The following GATAD1 variants were observed in gnomAD, a reference collection of about 807,000 sequenced individuals.
The protein encoded by GATAD1 is GATA zinc finger domain containing 1, also known as GATA zinc finger domain-containing protein 1.
Under a neutral mutation model 26.5 loss-of-function variants are expected in GATAD1, and 12 were observed. That is an observed-to-expected ratio of 0.45 (90% CI 0.29 to 0.73). The LOEUF is 0.73. Ranked by LOEUF, GATAD1 falls within the 30% of genes least tolerant of loss-of-function variation. The probability of loss-of-function intolerance (pLI) is 0.10; values close to 1 mark genes in which losing one functional copy is unlikely to be tolerated. For missense variants in GATAD1, 266 were observed against 342.1 expected, an observed-to-expected ratio of 0.78 and a Z score of 1.75; for synonymous variants, 129 against 133.1, an observed-to-expected ratio of 0.97 and a Z score of 0.21.
At chr7:92,479,721 C>T in the GATAD1 span, among the ~76,000 whole-genome samples, 4 of 151,820 alleles carry the variant, frequency 2.6e-5, no homozygotes, top group East Asian at 3.9e-4. Flanking sequence ...GGATTATGGG[C>T]GGCATGGGAA....
chr7:92,467,142 A>AC, the GATAD1 span, among the ~76,000 whole-genome samples: 1 of 151,916 alleles, frequency 6.6e-6, no homozygotes, highest in East Asian at 1.9e-4. Flanking sequence ...ACATGATGAA[A>AC]CCCATTTCTA....
the GATAD1 span, among the ~76,000 whole-genome samples, chr7:92,467,235 CT>C: frequency 2.0e-5 from 3 of 152,060 alleles, no homozygotes; most frequent in Admixed American, 6.6e-5. Flanking sequence ...AGGAGAATCA[CT>C]TGAACCCGGA....
chr7:92,484,160 TTGTA>T, the GATAD1 span, among the ~76,000 whole-genome samples: 1 of 152,164 alleles, frequency 6.6e-6, no homozygotes, highest in Non-Finnish European at 1.5e-5. Context: ...ATTATCAAGT[TTGTA>T]CTGCAGCCAC....
At chr7:92,470,879 C>T in the GATAD1 span, 5 of 167,728 alleles carry the variant, frequency 3.0e-5, no homozygotes, top group Admixed American at 6.5e-5. Flanking sequence ...CTATAGGCAA[C>T]AGAGCAGGCC....
In GATAD1 at chr7:92,449,494, T is replaced by C. The variant is rs886397020; in HGVS notation, c.375+617T>C. On this transcript the variant is annotated intron_variant, in intron 2 of 4. Transcript: ENST00000287957. ...CTCAGTTTTTATAAACAAGGGATAATGTTCAAACACAGTGGACAGTGCATT... is the reference window on the plus strand; with the variant it reads ...CTCAGTTTTTATAAACAAGGGATAACGTTCAAACACAGTGGACAGTGCATT... 78 of 976,460 alleles carry C rather than the reference T, an allele frequency of 8.0e-5. 1 individual carries two copies. The highest frequency in any genetic ancestry group is 9.4e-5 in the Non-Finnish European group (77 of 821,838). 60.5% of individuals were successfully genotyped at this position (976,460 alleles called of 1,614,324 possible).
At chr7:92,469,912 G>A in the GATAD1 span, 1 of 778,610 alleles carries the variant, frequency 1.3e-6, no homozygotes, top group Non-Finnish European at 2.4e-6. Context: ...GGTACGGAGG[G>A]TTTCATGTAG....
the GATAD1 span, among the ~76,000 whole-genome samples, chr7:92,492,584 G>A: frequency 8.5e-5 from 13 of 152,210 alleles, no homozygotes; most frequent in African/African-American, 2.7e-4. Flanking sequence ...AACAATGTGA[G>A]CTTCAAAACA....
Position 92,447,701 on chromosome 7 carries a change from G to T in GATAD1, c.-29G>T. The T allele has an allele frequency of 7.0e-7, 1 of 1,431,670 alleles. No homozygotes were observed. Among genetic ancestry groups the T allele is most frequent in the Non-Finnish European group, 9.2e-7 (1 of 1,091,906 alleles). The allele number at this position is 1,431,670 out of a possible 1,614,324, so 88.7% of individuals were successfully genotyped here. A position where few individuals can be genotyped will look rare whatever the true frequency, so the allele number is the denominator to read the frequency against. On this transcript the variant is annotated 5_prime_UTR_variant, in exon 1 of 5. Transcript: ENST00000287957. ...CCGTCCGCCATTCCCGTGTCTCTGC[G>T]CCCGCGGGGGCCGCCCGAGCCGGCC...
chr7:92,451,120 A>T (rs1159616207), intron 3 of GATAD1, among the ~76,000 whole-genome samples: 1 of 152,152 alleles, frequency 6.6e-6, no homozygotes, highest in Non-Finnish European at 1.5e-5. Flanking sequence ...CAGGATTTGG[A>T]CTAGTAGAGG....
the GATAD1 span, chr7:92,490,003 G>A: frequency 6.1e-6 from 6 of 989,248 alleles, no homozygotes; most frequent in Non-Finnish European, 9.4e-6. Flanking sequence ...AACATTTTAA[G>A]CAATAAAACA....
the GATAD1 span, among the ~76,000 whole-genome samples, chr7:92,486,254 A>G: frequency 1.3e-5 from 2 of 152,188 alleles, no homozygotes; most frequent in African/African-American, 2.4e-5. Context: ...ATCCTCTTCT[A>G]TCACAGAGCA....
At chr7:92,453,540 A>G (rs1380245287) in intron 3 of GATAD1, among the ~76,000 whole-genome samples, 1 of 152,212 alleles carries the variant, frequency 6.6e-6, no homozygotes, top group Non-Finnish European at 1.5e-5. Context: ...CTGTTGTGGA[A>G]GGATATAAAA....
chr7:92,474,129 A>G, the GATAD1 span, among the ~76,000 whole-genome samples: 8 of 152,094 alleles, frequency 5.3e-5, no homozygotes, highest in Admixed American at 2.0e-4. Flanking sequence ...CCTGAGGGTC[A>G]TGACTAAAGC....
the GATAD1 span, chr7:92,475,062 A>G: frequency 1.3e-5 from 2 of 152,132 alleles, no homozygotes; most frequent in South Asian, 2.1e-4. Context: ...CACTTTTTAC[A>G]TAATTGTGAG....
intron 4 of GATAD1, 29 bp downstream of exon 4, chr7:92,454,714 T>C: frequency 6.7e-7 from 1 of 1,499,362 alleles, no homozygotes; most frequent in Non-Finnish European, 9.1e-7. Flanking sequence ...ACAGGTTTTT[T>C]TTTAACTTAG....
the GATAD1 span, among the ~76,000 whole-genome samples, chr7:92,486,069 C>T: frequency 1.1e-3 from 168 of 152,312 alleles, 1 homozygote; most frequent in African/African-American, 3.7e-3. Context: ...GATTCATGGT[C>T]AAATTGGCCA....
chr7:92,490,241 C>T, the GATAD1 span: 1 of 317,422 alleles, frequency 3.2e-6, no homozygotes. Context: ...GTTTCTGGGA[C>T]ATTTCTAAAT....
the GATAD1 span, among the ~76,000 whole-genome samples, chr7:92,486,065 T>C: frequency 6.6e-6 from 1 of 152,250 alleles, no homozygotes; most frequent in African/African-American, 2.4e-5. Context: ...TTAAGATTCA[T>C]GGTCAAATTG....
rs1789786343 is a variant in GATAD1 at position 92,458,575 on chromosome 7, T to G, written c.*2013T>G. 1 of 152,210 alleles carries G rather than the reference T, an allele frequency of 6.6e-6. No individual in the cohort carries two copies. Among genetic ancestry groups the G allele is most frequent in the Non-Finnish European group, 1.5e-5 (1 of 68,036 alleles). The allele number at this position is 152,210 out of a possible 1,614,324, so 9.4% of individuals were successfully genotyped here. Reference sequence around the variant, plus strand: ...GTGTACTCACTTGCCTCCTCTTTTGTCCTGATTTAACCAGCATTTTTCAAC... The same window carrying G: ...GTGTACTCACTTGCCTCCTCTTTTGGCCTGATTTAACCAGCATTTTTCAAC... On this transcript the variant is annotated 3_prime_UTR_variant, in exon 5 of 5. Coordinates refer to ENST00000287957, the MANE Select transcript of GATAD1 (RefSeq NM_021167.5).
Sources: gnomAD v4.1 joint callset for allele counts (sites outside exome capture counted in the v4.1 genomes callset) on GRCh38, gnomAD v4.1.1 for gene constraint, MANE v1.5 for transcripts, NCBI Gene and HGNC (gene_info 2026-07-23, HGNC 2026-07-21) for gene names.